The following PLXNA4 variants were observed in gnomAD, a reference collection of about 807,000 sequenced individuals.
PLXNA4 encodes plexin A4.
Under a neutral mutation model 191.8 loss-of-function variants are expected in PLXNA4, and 44 were observed. The ratio of observed to expected loss-of-function variants is 0.23; its 90% confidence interval spans 0.18 to 0.29. The LOEUF (loss-of-function observed/expected upper bound fraction) is 0.29. Among genes scored for constraint, PLXNA4 ranks in the 10% least tolerant of loss-of-function variants. The pLI, the probability that PLXNA4 is intolerant of heterozygous loss-of-function variation, is 1.00. For missense variants in PLXNA4, 1,800 were observed against 2,488.8 expected, an observed-to-expected ratio of 0.72 and a Z score of 5.89; for synonymous variants, 1,082 against 1,009.5, an observed-to-expected ratio of 1.07 and a Z score of -1.36.
At chr7:132,591,549 T>C (rs1802603808) in intron 2 of PLXNA4, among the ~76,000 whole-genome samples, 1 of 152,236 alleles carries the variant, frequency 6.6e-6, no homozygotes, top group Admixed American at 6.5e-5. Flanking sequence ...CATAATGCAT[T>C]ACAACAATAG....
At chr7:132,489,571 G>A in intron 2 of PLXNA4, 97 bp from the exon 3 acceptor site, 2 of 1,069,354 alleles carry the variant, frequency 1.9e-6, no homozygotes, top group Admixed American at 2.8e-5. Flanking sequence ...AATCCTTAGA[G>A]ATGAAACATC....
intron 25 of PLXNA4, 92 bp downstream of exon 25, chr7:132,159,381 C>G: frequency 1.2e-5 from 18 of 1,556,252 alleles, no homozygotes; most frequent in Non-Finnish European, 1.6e-5. Flanking sequence ...CCCCTCAGAT[C>G]TCTACCCCAG....
chr7:132,454,626 G>A (rs1796249250), intron 3 of PLXNA4, among the ~76,000 whole-genome samples: 2 of 152,030 alleles, frequency 1.3e-5, no homozygotes, highest in Admixed American at 6.5e-5. Flanking sequence ...GACTGTATTT[G>A]GAGATAGGGT....
chr7:132,337,268 C>A (rs1451207842), intron 3 of PLXNA4, among the ~76,000 whole-genome samples: 1 of 152,224 alleles, frequency 6.6e-6, no homozygotes, highest in Middle Eastern at 3.2e-3. Flanking sequence ...ATGTGTGCAG[C>A]TATGTGCAAA....
intron 20 of PLXNA4, among the ~76,000 whole-genome samples, chr7:132,179,229 C>A (rs1796609064): frequency 6.8e-6 from 1 of 147,752 alleles, no homozygotes; most frequent in Non-Finnish European, 1.5e-5. Flanking sequence ...TACACATACA[C>A]ACACACACGC....
At chr7:132,460,295 G>T (rs771072929) in intron 3 of PLXNA4, among the ~76,000 whole-genome samples, 1 of 151,724 alleles carries the variant, frequency 6.6e-6, no homozygotes, top group Admixed American at 6.6e-5. Flanking sequence ...GGAAGTCGAG[G>T]CTGCAGTGAG....
intron 2 of PLXNA4, among the ~76,000 whole-genome samples, chr7:132,493,852 A>C (rs1029091021): frequency 5.9e-5 from 9 of 152,158 alleles, no homozygotes; most frequent in African/African-American, 1.9e-4. Context: ...ACAGTACTGA[A>C]CCAGAACCAA....
intron 12 of PLXNA4, among the ~76,000 whole-genome samples, chr7:132,201,962 G>A (rs968531522): frequency 2.6e-5 from 4 of 152,138 alleles, no homozygotes; most frequent in Non-Finnish European, 4.4e-5. Context: ...ATGTGAGAGG[G>A]ACGCTCAGGC....
At position 132,290,072 on chromosome 7, in the gene PLXNA4, C is replaced by T. The variant is rs567852356; in HGVS notation, c.1503+8019G>A. The stretch of plus-strand genomic sequence containing the variant: ...CTCAGGCCCCACAGGCGTCCGCATC[C>T]TGCTTTATAGCAAGGACTTGAGCAC... On this transcript the variant is annotated intron_variant, in intron 4 of 31. Transcript: ENST00000321063. 1.5e-4 allele frequency among the ~76,000 whole-genome samples: 23 copies of T among 152,358 alleles called. No individual in the cohort carries two copies. The South Asian group carries it at 4.6e-3, about 30-fold the overall frequency.
intron 3 of PLXNA4, among the ~76,000 whole-genome samples, chr7:132,332,867 G>GAAA (rs537591833): frequency 2.7e-4 from 27 of 98,620 alleles, no homozygotes; most frequent in Middle Eastern, 4.5e-3. Context: ...CTCAAAAAAA[G>GAAA]AAAAAAAAAA....
intron 29 of PLXNA4, among the ~76,000 whole-genome samples, chr7:132,143,918 C>T (rs1795341769): frequency 6.6e-6 from 1 of 152,170 alleles, no homozygotes; most frequent in African/African-American, 2.4e-5. Flanking sequence ...TGGTTCCTAC[C>T]TGGTTTTTCA....
rs2671109 is a variant in PLXNA4, at chr7:132,148,014, C to G, written c.4765-15G>C. 1.2e-6 allele frequency: 2 copies of G among 1,613,956 alleles called. No homozygotes were observed. Among genetic ancestry groups the G allele is most frequent in the Non-Finnish European group, 1.7e-6 (2 of 1,180,014 alleles). On this transcript the variant is annotated splice_polypyrimidine_tract_variant and intron_variant, in intron 26 of 31. Coordinates refer to ENST00000321063, the MANE Select transcript of PLXNA4 (RefSeq NM_020911.2). ...CCATCTGGCACCTACAGGGAAAAAGCTTCTCAGGGCCTAGGCACAGCAGCT... is the reference window on the plus strand; with the variant it reads ...CCATCTGGCACCTACAGGGAAAAAGGTTCTCAGGGCCTAGGCACAGCAGCT...
At chr7:132,319,217 C>A (rs886905038) in intron 3 of PLXNA4, among the ~76,000 whole-genome samples, 1 of 152,196 alleles carries the variant, frequency 6.6e-6, no homozygotes, top group African/African-American at 2.4e-5. Flanking sequence ...TAGCATAAAA[C>A]CCCTGCAGAG....
chr7:132,254,776 G>A (rs1417823244), intron 4 of PLXNA4, among the ~76,000 whole-genome samples: 1 of 152,176 alleles, frequency 6.6e-6, no homozygotes, highest in Non-Finnish European at 1.5e-5. Context: ...GGTGGTGGTG[G>A]TACGGATAAT....
intron 3 of PLXNA4, among the ~76,000 whole-genome samples, chr7:132,469,555 T>C (rs1438911599): frequency 1.3e-5 from 2 of 152,210 alleles, no homozygotes; most frequent in Non-Finnish European, 2.9e-5. Flanking sequence ...ATAATTTGAT[T>C]GTGGAGTTCT....
chr7:132,385,242 G>C, intron 3 of PLXNA4: 2 of 1,614,044 alleles, frequency 1.2e-6, no homozygotes, highest in Non-Finnish European at 1.7e-6. Flanking sequence ...TTGCTCTGTG[G>C]GATCGGGGTC....
chr7:132,241,318 A>T (rs1798869810), intron 4 of PLXNA4, 152 bp from the exon 5 acceptor site: 1 of 571,636 alleles, frequency 1.7e-6, no homozygotes, highest in Non-Finnish European at 3.2e-6. Flanking sequence ...AGGGAACTTG[A>T]GTGATTATGT....
intron 10 of PLXNA4, among the ~76,000 whole-genome samples, chr7:132,208,227 C>T (rs1167022354): frequency 6.6e-6 from 1 of 152,214 alleles, no homozygotes; most frequent in Middle Eastern, 3.2e-3. Flanking sequence ...CAGAGCTGAG[C>T]CCTCCTGAAC....
intron 5 of PLXNA4, among the ~76,000 whole-genome samples, chr7:132,229,729 T>C (rs1273368274): frequency 6.6e-6 from 1 of 151,968 alleles, no homozygotes; most frequent in Admixed American, 6.6e-5. Flanking sequence ...ATAGGGAATC[T>C]ACATGGGGAG....
Sources: allele counts gnomAD v4.1 joint callset (sites outside exome capture counted in the v4.1 genomes callset), GRCh38; gene constraint gnomAD v4.1.1; transcripts MANE v1.5; gene names NCBI Gene and HGNC (gene_info 2026-07-23, HGNC 2026-07-21).